TENT2: variants seen among roughly 807,000 people sequenced by gnomAD.
TENT2 encodes terminal nucleotidyltransferase 2.
Under a neutral mutation model 72.2 loss-of-function variants are expected in TENT2, and 44 were observed. The ratio of observed to expected loss-of-function variants is 0.61; its 90% confidence interval spans 0.48 to 0.78. The LOEUF is 0.78. Among genes scored for constraint, TENT2 ranks in the 30% least tolerant of loss-of-function variants. TENT2 has a pLI of 0.00. For missense variants in TENT2, 541 were observed against 569.6 expected, an observed-to-expected ratio of 0.95 and a Z score of 0.51; for synonymous variants, 212 against 192.5, an observed-to-expected ratio of 1.10 and a Z score of -0.84.
intron 10 of TENT2, among the ~76,000 whole-genome samples, chr5:79,650,016 A>G (rs1480326382): frequency 6.6e-6 from 1 of 152,136 alleles, no homozygotes; most frequent in East Asian, 1.9e-4. Flanking sequence ...TTTAATAACT[A>G]ACCAACTGAA....
At chr5:79,677,980 G>C (rs1475386480) in intron 12 of TENT2, among the ~76,000 whole-genome samples, 1 of 152,088 alleles carries the variant, frequency 6.6e-6, no homozygotes, top group Non-Finnish European at 1.5e-5. Flanking sequence ...ATTTTTAGTA[G>C]AGACATTTGA....
At chr5:79,678,918 T>A (rs1404493813) in intron 12 of TENT2, among the ~76,000 whole-genome samples, 1 of 152,172 alleles carries the variant, frequency 6.6e-6, no homozygotes, top group Non-Finnish European at 1.5e-5. Flanking sequence ...TTCTTTTTTC[T>A]TTTTTTGAGA....
intron 1 of TENT2, 116 bp downstream of exon 1, chr5:79,613,191 G>A (rs1561432326): frequency 6.6e-6 from 1 of 152,230 alleles, no homozygotes; most frequent in Non-Finnish European, 1.5e-5. Context: ...GGTTAAGACT[G>A]TTGTGTGCGT....
At chr5:79,673,548 C>T (rs1814706830) in intron 12 of TENT2, among the ~76,000 whole-genome samples, 1 of 149,178 alleles carries the variant, frequency 6.7e-6, no homozygotes, top group Admixed American at 6.7e-5. Flanking sequence ...ATTGAAGAGA[C>T]TGTGCTTTCC....
intron 4 of TENT2, among the ~76,000 whole-genome samples, chr5:79,638,768 A>G (rs566053344): frequency 2.0e-5 from 3 of 152,072 alleles, no homozygotes; most frequent in South Asian, 4.2e-4. Context: ...CGGTCAGTCA[A>G]TTGTGTTTTA....
chr5:79,642,422 T>C (rs1488324030), intron 6 of TENT2, among the ~76,000 whole-genome samples: 1 of 151,846 alleles, frequency 6.6e-6, no homozygotes, highest in Non-Finnish European at 1.5e-5. Flanking sequence ...ATCTAAATCA[T>C]GATGTCATAG....
intron 1 of TENT2, among the ~76,000 whole-genome samples, chr5:79,615,367 A>G (rs949479580): frequency 1.3e-5 from 2 of 152,204 alleles, no homozygotes; most frequent in African/African-American, 4.8e-5. Flanking sequence ...CATATTTTTT[A>G]TAGGTATAAA....
chr5:79,627,341 A>G (rs2150095937), intron 4 of TENT2, among the ~76,000 whole-genome samples: 1 of 152,330 alleles, frequency 6.6e-6, no homozygotes, highest in South Asian at 2.1e-4. Context: ...AACAATTCAT[A>G]TTAGTGTCAG....
chr5:79,680,025 G>A (rs1013233133), intron 13 of TENT2, among the ~76,000 whole-genome samples: 2 of 152,010 alleles, frequency 1.3e-5, no homozygotes, highest in African/African-American at 4.8e-5. Flanking sequence ...TAAAATATTA[G>A]TGCAAGTTGG....
intron 3 of TENT2, 126 bp downstream of exon 3, chr5:79,620,209 C>A: frequency 1.8e-6 from 1 of 552,850 alleles, no homozygotes; most frequent in South Asian, 3.5e-5. Context: ...CCTGTACGAT[C>A]AGATGAGTCA....
At chr5:79,675,018 T>C (rs1399439507) in intron 12 of TENT2, among the ~76,000 whole-genome samples, 1 of 152,154 alleles carries the variant, frequency 6.6e-6, no homozygotes, top group East Asian at 1.9e-4. Context: ...ATAGCATTAT[T>C]GGTGTGGACT....
At chr5:79,674,299 T>C (rs1315163362) in intron 12 of TENT2, among the ~76,000 whole-genome samples, 3 of 152,150 alleles carry the variant, frequency 2.0e-5, no homozygotes, top group African/African-American at 4.8e-5. Context: ...GGAGAATCGC[T>C]TGAACTCAGG....
At chr5:79,668,631 T>A in intron 11 of TENT2, 1 of 333,450 alleles carries the variant, frequency 3.0e-6, no homozygotes, top group Non-Finnish European at 5.5e-6. Context: ...TTAGAAAATC[T>A]TCTGCTAAAT....
intron 8 of TENT2, among the ~76,000 whole-genome samples, chr5:79,648,161 G>C (rs1174413640): frequency 6.6e-6 from 1 of 151,832 alleles, no homozygotes; most frequent in African/African-American, 2.4e-5. Flanking sequence ...AAAAATTTTC[G>C]GCTGGATATG....
intron 4 of TENT2, among the ~76,000 whole-genome samples, chr5:79,624,061 A>G (rs1767335575): frequency 6.6e-6 from 1 of 152,218 alleles, no homozygotes. Context: ...ATCTAATAAT[A>G]GAAACATATC....
At chr5:79,674,339 G>A (rs1815434430) in intron 12 of TENT2, among the ~76,000 whole-genome samples, 1 of 152,120 alleles carries the variant, frequency 6.6e-6, no homozygotes, top group Non-Finnish European at 1.5e-5. Flanking sequence ...CCGAGATCGC[G>A]CCACCGCACT....
At chr5:79,615,656 G>T (rs1364524069) in intron 1 of TENT2, among the ~76,000 whole-genome samples, 1 of 151,820 alleles carries the variant, frequency 6.6e-6, no homozygotes, top group Non-Finnish European at 1.5e-5. Context: ...AGCAAAGGGT[G>T]AAAAGTGTTC....
At chr5:79,620,140 A>G (rs1418367185) in intron 3 of TENT2, 57 bp downstream of exon 3, 3 of 1,193,058 alleles carry the variant, frequency 2.5e-6, no homozygotes, top group South Asian at 1.3e-5. Flanking sequence ...GAACTCTGTA[A>G]TGATGTATCT....
At chr5:79,678,756 TAAAG>T (rs1187727199) in intron 12 of TENT2, among the ~76,000 whole-genome samples, 2 of 152,170 alleles carry the variant, frequency 1.3e-5, no homozygotes, top group Non-Finnish European at 2.9e-5. Context: ...ATCATACACA[TAAAG>T]ATGTACCTGA....
Sources: gnomAD v4.1 joint callset for allele counts (sites outside exome capture counted in the v4.1 genomes callset) on GRCh38, gnomAD v4.1.1 for gene constraint, MANE v1.5 for transcripts, NCBI Gene and HGNC (gene_info 2026-07-23, HGNC 2026-07-21) for gene names.